The following STMN4 variants were observed in gnomAD, a reference collection of about 807,000 sequenced individuals.
STMN4 encodes stathmin 4.
In STMN4, 12 loss-of-function variants were observed where a neutral mutation model predicts 29.1. The observed-to-expected ratio is 0.41, with a 90% CI of 0.26 to 0.67. The LOEUF (loss-of-function observed/expected upper bound fraction) is 0.67. STMN4 is among the 30% of genes least tolerant of loss of function. The probability of loss-of-function intolerance (pLI) is 0.30; values close to 1 mark genes in which losing one functional copy is unlikely to be tolerated. For missense variants in STMN4, 181 were observed against 262.8 expected, an observed-to-expected ratio of 0.69 and a Z score of 2.15; for synonymous variants, 114 against 105.3, an observed-to-expected ratio of 1.08 and a Z score of -0.51.
chr8:27,252,868 T>C (rs936022028), intron 1 of STMN4, among the ~76,000 whole-genome samples: 14 of 152,232 alleles, frequency 9.2e-5, no homozygotes, highest in African/African-American at 3.4e-4. Flanking sequence ...CATATCAGCC[T>C]CCCTTCTATG....
chr8:27,239,713 C>T, intron 6 of STMN4: 1 of 1,454,368 alleles, frequency 6.9e-7, no homozygotes, highest in Non-Finnish European at 9.0e-7. Flanking sequence ...CATATATGCT[C>T]CCTAAGGCAA....
intron 1 of STMN4, among the ~76,000 whole-genome samples, chr8:27,249,026 A>G (rs1049820701): frequency 5.9e-5 from 9 of 152,198 alleles, no homozygotes; most frequent in African/African-American, 1.7e-4. Flanking sequence ...AAAGCAAGGA[A>G]CCAGAGCTTT....
At chr8:27,247,413 G>A (rs1801657397) in intron 1 of STMN4, among the ~76,000 whole-genome samples, 1 of 152,214 alleles carries the variant, frequency 6.6e-6, no homozygotes, top group African/African-American at 2.4e-5. Flanking sequence ...AAGATAAAAA[G>A]GTGGGAAGCA....
intron 1 of STMN4, among the ~76,000 whole-genome samples, chr8:27,246,553 A>T (rs1266057732): frequency 6.6e-6 from 1 of 151,946 alleles, no homozygotes; most frequent in African/African-American, 2.4e-5. Flanking sequence ...ACCTGTGAAT[A>T]TGAGCTTATT....
chr8:27,244,698 C>T lies in STMN4; in HGVS notation c.-78-897G>A, dbSNP rs149240738. ...TCGGGGTGAGAACGCCACTCAGTGT[C>T]CGTGGGATCAGGTCAAGCTAGTTGA... On this transcript the variant is annotated intron_variant, in intron 1 of 6. Transcript: ENST00000350889. Among the ~76,000 whole-genome samples the T allele has an allele frequency of 5.2e-3, 788 of 152,062 alleles. 8 individuals are homozygous for T. Among genetic ancestry groups the T allele is most frequent in the African/African-American group, 0.018 (757 of 41,482 alleles).
intron 2 of STMN4, 152 bp from the exon 3 acceptor site, chr8:27,242,644 C>T (rs1563415077): frequency 1.4e-6 from 1 of 728,650 alleles, no homozygotes; most frequent in East Asian, 2.7e-5. Context: ...AGGCCTTTCG[C>T]CCTGAGCCGT....
chr8:27,246,600 A>AT (rs35225917), intron 1 of STMN4, among the ~76,000 whole-genome samples: 110,363 of 151,990 alleles, frequency 0.73, 40,359 homozygotes, highest in East Asian at 0.89. Context: ...TCAAGAAGAG[A>AT]CATTCCTGCT....
In STMN4 at chr8:27,241,269, A is replaced by G; in HGVS notation, c.191-7T>C. 1 of 1,614,056 alleles carries G rather than the reference A, an allele frequency of 6.2e-7. No homozygotes were observed. The highest frequency in any genetic ancestry group is 8.5e-7 in the Non-Finnish European group (1 of 1,180,004). On this transcript the variant is annotated splice_polypyrimidine_tract_variant and splice_region_variant and intron_variant, in intron 4 of 6. Coordinates refer to ENST00000350889, the MANE Select transcript of STMN4 (RefSeq NM_030795.4). ...TTCAGGTCCACCGTGTCTGCTACAG[A>G]GGGCAGAGAAGGGGCTGCTCACGTC...
chr8:27,255,970 G>A (rs1449493778), intron 1 of STMN4, among the ~76,000 whole-genome samples: 3 of 151,754 alleles, frequency 2.0e-5, no homozygotes, highest in African/African-American at 7.2e-5. Flanking sequence ...CACTAAAGAA[G>A]GACAGCTTCC....
chr8:27,247,848 G>C (rs1801669609), intron 1 of STMN4, among the ~76,000 whole-genome samples: 1 of 152,206 alleles, frequency 6.6e-6, no homozygotes, highest in South Asian at 2.1e-4. Flanking sequence ...CAGAGCAATG[G>C]AAGGCAAAAC....
In STMN4 at chr8:27,237,535, G is replaced by A. The variant is rs534912261; in HGVS notation, c.592-630C>T. On this transcript the variant is annotated intron_variant, in intron 6 of 6. Transcript: ENST00000350889. Reference sequence around the variant, plus strand: ...CTCCCAACGTGCTGGGATTACAGATGTGAGCCACCGTGCCCAGGTGTGGAC... The same window carrying A: ...CTCCCAACGTGCTGGGATTACAGATATGAGCCACCGTGCCCAGGTGTGGAC... Among the ~76,000 whole-genome samples, 13 of 152,322 alleles carry A rather than the reference G, an allele frequency of 8.5e-5. No individual in the cohort carries two copies. The East Asian group carries it at 1.5e-3, about 18-fold the overall frequency.
chr8:27,257,383 C>G (rs1801971178), intron 1 of STMN4, among the ~76,000 whole-genome samples: 1 of 151,516 alleles, frequency 6.6e-6, no homozygotes, highest in Admixed American at 6.6e-5. Flanking sequence ...GGTCTTAAGA[C>G]AGGGGGTATC....
At chr8:27,253,221 G>C (rs1801843556) in intron 1 of STMN4, among the ~76,000 whole-genome samples, 1 of 152,210 alleles carries the variant, frequency 6.6e-6, no homozygotes, top group African/African-American at 2.4e-5. Context: ...TACGCTGAAA[G>C]AAATTCCTTA....
At chr8:27,248,527 A>G (rs1801693443) in intron 1 of STMN4, among the ~76,000 whole-genome samples, 1 of 152,210 alleles carries the variant, frequency 6.6e-6, no homozygotes, top group African/African-American at 2.4e-5. Context: ...TTTGTGCTTT[A>G]TCTCCCACCC....
chr8:27,236,774 G>T lies in STMN4; in HGVS notation c.*72C>A. ...CCCAGTGCTGGGAGCGCAGCCGGCG[G>T]GCGAGGCTGCCTGGAACGTGGAGCT... On this transcript the variant is annotated 3_prime_UTR_variant, in exon 7 of 7. Coordinates refer to ENST00000350889, the MANE Select transcript of STMN4 (RefSeq NM_030795.4). 7.1e-7 allele frequency: 1 copy of T among 1,412,594 alleles called. No individual in the cohort carries two copies. Among genetic ancestry groups the T allele is most frequent in the Non-Finnish European group, 9.4e-7 (1 of 1,060,918 alleles). 87.5% of individuals were successfully genotyped at this position (1,412,594 alleles called of 1,614,324 possible). A position where few individuals can be genotyped will look rare whatever the true frequency, so the allele number is the denominator to read the frequency against.
chr8:27,251,752 C>A (rs1327680943), intron 1 of STMN4, among the ~76,000 whole-genome samples: 1 of 151,944 alleles, frequency 6.6e-6, no homozygotes, highest in Non-Finnish European at 1.5e-5. Flanking sequence ...AGGGCTTTTA[C>A]AAAAGCAAGG....
At chr8:27,247,289 T>C (rs991527411) in intron 1 of STMN4, among the ~76,000 whole-genome samples, 2 of 150,652 alleles carry the variant, frequency 1.3e-5, no homozygotes, top group Admixed American at 6.6e-5. Flanking sequence ...TCTATTTACT[T>C]GTGCCTGTGG....
intron 1 of STMN4, among the ~76,000 whole-genome samples, chr8:27,255,089 A>C (rs1801904453): frequency 6.6e-6 from 1 of 152,130 alleles, no homozygotes; most frequent in Non-Finnish European, 1.5e-5. Context: ...TTTAAATGGC[A>C]GGGAAGAATT....
At chr8:27,255,859 A>G (rs1017172460) in intron 1 of STMN4, among the ~76,000 whole-genome samples, 6 of 152,222 alleles carry the variant, frequency 3.9e-5, no homozygotes, top group Admixed American at 2.0e-4. Flanking sequence ...AATGCAGGAC[A>G]CTTTCACCGT....
Sources: gnomAD v4.1 joint callset for allele counts (sites outside exome capture counted in the v4.1 genomes callset) on GRCh38, gnomAD v4.1.1 for gene constraint, MANE v1.5 for transcripts, NCBI Gene and HGNC (gene_info 2026-07-23, HGNC 2026-07-21) for gene names.